TBPL2: variants seen among roughly 807,000 people sequenced by gnomAD.
The protein encoded by TBPL2 is TATA-box binding protein like 2, also known as TATA box-binding protein-like 2.
TBPL2 carries 40 observed loss-of-function variants against 38.2 expected under a neutral mutation model. The ratio of observed to expected loss-of-function variants is 1.05; its 90% confidence interval spans 0.81 to 1.36. The LOEUF (loss-of-function observed/expected upper bound fraction) is 1.36. Ranked by LOEUF, TBPL2 falls within the 40% of genes most tolerant of loss-of-function variation. The pLI, the probability that TBPL2 is intolerant of heterozygous loss-of-function variation, is 0.00. For synonymous variants in TBPL2, 169 were observed against 171.7 expected, an observed-to-expected ratio of 0.98 and a Z score of 0.12; for missense variants, 461 against 456.7, an observed-to-expected ratio of 1.01 and a Z score of -0.09.
chr14:55,429,463 C>T (rs1164330760), intron 4 of TBPL2, among the ~76,000 whole-genome samples: 3 of 152,106 alleles, frequency 2.0e-5, no homozygotes, highest in Admixed American at 6.5e-5. Context: ...AAAGTATGTC[C>T]CATTTAGAAG....
chr14:55,427,790 G>T (rs1211214976), intron 5 of TBPL2, among the ~76,000 whole-genome samples: 1 of 151,282 alleles, frequency 6.6e-6, no homozygotes. Flanking sequence ...CTAGGAAAAG[G>T]AATATACTAC....
At chr14:55,423,411 TATC>T (rs56716094) in intron 6 of TBPL2, among the ~76,000 whole-genome samples, 2,483 of 152,356 alleles carry the variant, frequency 0.016, 74 homozygotes, top group African/African-American at 0.057. Flanking sequence ...TCCACACTAA[TATC>T]ATAATTGTCT....
Position 55,435,183 on chromosome 14 carries a change from A to T in TBPL2, c.696+664T>A, listed in dbSNP as rs767341858. ...AAGAGGAATTGTAATGGAAAGATAC[A>T]TAAGTGTCAGGTAGCTGAGACAACA... On this transcript the variant is annotated intron_variant, in intron 3 of 6. Coordinates refer to ENST00000247219, the Ensembl canonical transcript of TBPL2. Among the ~76,000 whole-genome samples the T allele has an allele frequency of 3.3e-5, 5 of 152,372 alleles. No individual in the cohort carries two copies. In the South Asian group the frequency reaches 6.2e-4, roughly 19 times the overall value.
At chr14:55,431,816 C>T (rs1885932761) in intron 4 of TBPL2, among the ~76,000 whole-genome samples, 1 of 152,150 alleles carries the variant, frequency 6.6e-6, no homozygotes, top group Non-Finnish European at 1.5e-5. Flanking sequence ...AATTCAGTCC[C>T]TCAGTTGTAT....
chr14:55,422,254 C>T (rs1005510181), intron 6 of TBPL2, among the ~76,000 whole-genome samples: 4 of 152,166 alleles, frequency 2.6e-5, no homozygotes, highest in African/African-American at 9.7e-5. Context: ...ATAAACTTGG[C>T]ATTCATTATG....
chr14:55,417,061 A>G (rs973665530), intron 6 of TBPL2, among the ~76,000 whole-genome samples: 3 of 152,224 alleles, frequency 2.0e-5, no homozygotes, highest in African/African-American at 7.2e-5. Flanking sequence ...GCCCTTTCCC[A>G]AGAGGGAATG....
At chr14:55,414,944 G>A (rs770665281) in intron 6 of TBPL2, among the ~76,000 whole-genome samples, 1 of 152,254 alleles carries the variant, frequency 6.6e-6, no homozygotes, top group East Asian at 1.9e-4. Flanking sequence ...TGCATGGGAA[G>A]GGATTATTAG....
At chr14:55,418,421 T>C (rs1885698190) in intron 6 of TBPL2, among the ~76,000 whole-genome samples, 1 of 152,240 alleles carries the variant, frequency 6.6e-6, no homozygotes, top group Non-Finnish European at 1.5e-5. Context: ...GCACATATTT[T>C]CCCGAGTGAT....
intron 4 of TBPL2, among the ~76,000 whole-genome samples, chr14:55,432,455 C>A (rs928301529): frequency 1.3e-4 from 16 of 126,386 alleles, no homozygotes; most frequent in Non-Finnish European, 2.5e-4. Flanking sequence ...AAAAAAAACA[C>A]CATAAAATAC....
chr14:55,414,258 G>T, exon 7 of TBPL2: 2 of 716,376 alleles, frequency 2.8e-6, no homozygotes, highest in Non-Finnish European at 4.6e-6. Flanking sequence ...ACACAGAGTC[G>T]CCCTTTAATA....
Position 55,420,015 on chromosome 14 carries a change from C to A in TBPL2, c.1051+4144G>T, listed in dbSNP as rs137998803. On this transcript the variant is annotated intron_variant, in intron 6 of 6. Coordinates refer to ENST00000247219, the Ensembl canonical transcript of TBPL2. ...TTTAGGGAGGAGCCTGAAAGGAGAC[C>A]GCCTTGGTTCCTTTCCTGAGGTGTT... is the stretch of plus-strand genomic sequence containing the variant. Among the ~76,000 whole-genome samples the A allele has an allele frequency of 2.0e-5, 3 of 152,284 alleles. No individual in the cohort carries two copies. The East Asian group carries it at 5.8e-4, about 29-fold the overall frequency.
At chr14:55,416,372 C>T (rs1383712442) in intron 6 of TBPL2, among the ~76,000 whole-genome samples, 2 of 152,030 alleles carry the variant, frequency 1.3e-5, no homozygotes, top group Non-Finnish European at 2.9e-5. Context: ...TGGGAGGATC[C>T]CTTGAGCCCA....
chr14:55,440,451 G>GACTT lies in TBPL2; in HGVS notation c.94_95insAAGT (p.Ser32Ter). 1 of 1,612,998 alleles carries GACTT rather than the reference G, an allele frequency of 6.2e-7. No individual in the cohort carries two copies. The highest frequency in any genetic ancestry group is 8.5e-7 in the Non-Finnish European group (1 of 1,179,946). ...CAGGTAGGTCTCCTCCTGCTCCATG[G>GACTT]ACCGTAATCCCACTGTTGGGGGTGG... On this transcript the variant is annotated stop_gained and frameshift_variant, in exon 1 of 7. An upstream open reading frame in the 5' UTR gains an earlier in-frame stop. Transcript: ENST00000247219. LOFTEE classifies it high-confidence loss of function.
exon 2 of TBPL2, chr14:55,436,861 G>T (rs772721484): frequency 6.8e-6 from 11 of 1,614,162 alleles, no homozygotes; most frequent in Non-Finnish European, 8.5e-6. Flanking sequence ...AACTTCATCT[G>T]GTAGGAAGCT....
intron 5 of TBPL2, among the ~76,000 whole-genome samples, chr14:55,424,611 G>A (rs8019209): frequency 0.69 from 105,496 of 152,102 alleles, 36,736 homozygotes; most frequent in South Asian, 0.74. Flanking sequence ...GTTTTTCTGG[G>A]TTTCCAAATT....
chr14:55,422,501 G>A (rs1034478802), intron 6 of TBPL2, among the ~76,000 whole-genome samples: 4 of 151,792 alleles, frequency 2.6e-5, no homozygotes, highest in Non-Finnish European at 4.4e-5. Context: ...CGCCTGCCTC[G>A]GCCTCCCGAA....
At chr14:55,440,364 T>G in intron 1 of TBPL2, 32 bp downstream of exon 1, 1 of 1,612,398 alleles carries the variant, frequency 6.2e-7, no homozygotes, top group Non-Finnish European at 8.5e-7. Flanking sequence ...GGGACTTGGG[T>G]CCTGACTCTG....
At chr14:55,436,513 TA>T in intron 2 of TBPL2, 47 bp downstream of exon 2, 1 of 1,499,828 alleles carries the variant, frequency 6.7e-7, no homozygotes, top group Non-Finnish European at 9.2e-7. Context: ...TTCAGGAATA[TA>T]AAATGTGTAC....
At chr14:55,428,440 A>G (rs939654007) in intron 5 of TBPL2, among the ~76,000 whole-genome samples, 2 of 152,012 alleles carry the variant, frequency 1.3e-5, no homozygotes, top group Admixed American at 6.6e-5. Context: ...TTGTATGCTT[A>G]CAAATCTGTA....
Sources: gnomAD v4.1 joint callset for allele counts (sites outside exome capture counted in the v4.1 genomes callset) on GRCh38, gnomAD v4.1.1 for gene constraint, MANE v1.5 for transcripts, NCBI Gene and HGNC (gene_info 2026-07-23, HGNC 2026-07-21) for gene names.